Variants in APBA2 observed in about 807,000 individuals in gnomAD.
The protein encoded by APBA2 is amyloid beta precursor protein binding family A member 2.
In APBA2, 30 loss-of-function variants were observed where a neutral mutation model predicts 75.0. That is an observed-to-expected ratio of 0.40 (90% CI 0.30 to 0.54). The LOEUF is 0.54. Ranked by LOEUF, APBA2 falls within the 20% of genes least tolerant of loss-of-function variation. APBA2 has a pLI of 0.49. For missense variants in APBA2, 801 were observed against 1,016.1 expected, an observed-to-expected ratio of 0.79 and a Z score of 2.88; for synonymous variants, 444 against 409.6, an observed-to-expected ratio of 1.08 and a Z score of -1.01.
intron 4 of APBA2, among the ~76,000 whole-genome samples, chr15:29,062,451 G>A (rs1379581502): frequency 1.3e-5 from 2 of 152,116 alleles, no homozygotes; most frequent in Non-Finnish European, 2.9e-5. Flanking sequence ...GGCTGGCTCC[G>A]CATGAGCTTC....
In APBA2 at chr15:29,053,994, C is replaced by T. The variant is rs746831479; in HGVS notation, c.110C>T (p.Pro37Leu). Residue 37 changes from proline to leucine, a missense_variant, in exon 4 of 15, where the codon CCC becomes CTC. Pro to Leu is a moderately conservative substitution (Grantham distance 98). Transcript: ENST00000683413. ...QEPESEDMEL[P>L]LEGYVPEGLE... ...CCCGAGAGCGAGGACATGGAGCTGC[C>T]CTTGGAGGGCTATGTGCCCGAGGGC... 1 of 1,613,974 alleles carries T rather than the reference C, an allele frequency of 6.2e-7. No individual in the cohort carries two copies. The highest frequency in any genetic ancestry group is 1.1e-5 in the South Asian group (1 of 91,058).
intron 1 of APBA2, among the ~76,000 whole-genome samples, chr15:28,894,306 G>T (rs2032326744): frequency 6.6e-6 from 1 of 152,196 alleles, no homozygotes; most frequent in Admixed American, 6.5e-5. Flanking sequence ...CTGTATTCCA[G>T]CTTTCTTGTT....
chr15:28,892,230 A>C (rs1343503257), intron 1 of APBA2, among the ~76,000 whole-genome samples: 1 of 152,134 alleles, frequency 6.6e-6, no homozygotes, highest in East Asian at 1.9e-4. Flanking sequence ...ACCTGCCACC[A>C]CGCCTGGTTA....
At chr15:28,925,968 G>T (rs1471249552) in intron 2 of APBA2, among the ~76,000 whole-genome samples, 1 of 152,124 alleles carries the variant, frequency 6.6e-6, no homozygotes, top group African/African-American at 2.4e-5. Flanking sequence ...TTGGTAGTCT[G>T]CTTTGTCTGA....
intron 3 of APBA2, among the ~76,000 whole-genome samples, chr15:29,001,459 C>T (rs964170622): frequency 2.0e-5 from 3 of 152,210 alleles, no homozygotes; most frequent in Non-Finnish European, 2.9e-5. Flanking sequence ...GGTCCTCCCA[C>T]GTGGGCCTCC....
chr15:29,103,080 T>C (rs1430546559), intron 10 of APBA2, among the ~76,000 whole-genome samples: 1 of 152,178 alleles, frequency 6.6e-6, no homozygotes, highest in Admixed American at 6.5e-5. Context: ...GGTATTTCTG[T>C]GTGACTGAGG....
At chr15:28,900,265 G>A (rs1156467999) in intron 1 of APBA2, among the ~76,000 whole-genome samples, 1 of 152,190 alleles carries the variant, frequency 6.6e-6, no homozygotes, top group African/African-American at 2.4e-5. Flanking sequence ...GGGAATGGGT[G>A]ACAGGTGCTG....
At chr15:28,965,567 C>T (rs2036696428) in intron 2 of APBA2, among the ~76,000 whole-genome samples, 2 of 152,188 alleles carry the variant, frequency 1.3e-5, no homozygotes. Flanking sequence ...TAGGCAGAAT[C>T]GACCTTTTAA....
intron 10 of APBA2, chr15:29,102,031 G>A (rs1179273322): frequency 5.1e-6 from 3 of 583,616 alleles, no homozygotes; most frequent in Non-Finnish European, 6.1e-6. Flanking sequence ...AAATATATGA[G>A]GGAGCTATTT....
Position 29,054,556 on chromosome 15 carries a change from G to A in APBA2, c.672G>A (p.Glu224=), listed in dbSNP as rs1251696754. 3.7e-6 allele frequency: 6 copies of A among 1,613,648 alleles called. No homozygotes were observed. Among genetic ancestry groups the A allele is most frequent in the South Asian group, 2.2e-5 (2 of 90,996 alleles). Residue 224 remains glutamate, a synonymous_variant, in exon 4 of 15, where the codon GAG becomes GAA. Transcript: ENST00000683413. This position sits in a 1 kb window ranked among gnomAD's most constrained non-coding sequence, Gnocchi z 6.1. ...RGDGDLEDQE[E]DIDQIVAEIK... ...ATGGGGACCTGGAGGACCAGGAGGA[G>A]GACATTGACCAGATCGTGGCAGAGA...
chr15:29,107,279 C>G (rs572833506), intron 12 of APBA2, among the ~76,000 whole-genome samples: 2 of 152,162 alleles, frequency 1.3e-5, no homozygotes, highest in Non-Finnish European at 1.5e-5. Flanking sequence ...CCACCCTGAC[C>G]GTCAGACTCG....
At chr15:28,963,675 G>A (rs2036589933) in intron 2 of APBA2, among the ~76,000 whole-genome samples, 1 of 152,156 alleles carries the variant, frequency 6.6e-6, no homozygotes, top group African/African-American at 2.4e-5. Context: ...GGAATTTGGG[G>A]GGAGTTGATA....
At chr15:29,100,055 A>G (rs1395692042) in intron 9 of APBA2, among the ~76,000 whole-genome samples, 1 of 152,178 alleles carries the variant, frequency 6.6e-6, no homozygotes, top group African/African-American at 2.4e-5. Context: ...GAGAGGAGGG[A>G]ACAGGTGAGA....
intron 2 of APBA2, among the ~76,000 whole-genome samples, chr15:28,928,368 C>G (rs998092124): frequency 6.6e-6 from 1 of 152,060 alleles, no homozygotes. Flanking sequence ...TCCTCTGGCT[C>G]TGGGCTTCCC....
At chr15:29,079,066 C>T (rs1321080190) in intron 6 of APBA2, among the ~76,000 whole-genome samples, 2 of 152,170 alleles carry the variant, frequency 1.3e-5, no homozygotes, top group Admixed American at 1.3e-4. Flanking sequence ...GCATCCAGGG[C>T]TTTGAGCTTC....
intron 3 of APBA2, among the ~76,000 whole-genome samples, chr15:29,021,709 T>A (rs1168291019): frequency 6.6e-6 from 1 of 152,186 alleles, no homozygotes; most frequent in Non-Finnish European, 1.5e-5. Context: ...TACAGTGTTG[T>A]TAGCTGTAGG....
At chr15:29,094,157 G>C in intron 7 of APBA2, 121 bp from the exon 8 acceptor site, 1 of 1,049,770 alleles carries the variant, frequency 9.5e-7, no homozygotes, top group Non-Finnish European at 1.5e-6. Context: ...ACCCGTCCCT[G>C]CTGGGCTTTG....
chr15:28,945,353 C>T (rs1316242583), intron 2 of APBA2, among the ~76,000 whole-genome samples: 2 of 152,022 alleles, frequency 1.3e-5, no homozygotes, highest in Non-Finnish European at 1.5e-5. Context: ...CTGTCCAAGG[C>T]GCAGGAAATA....
chr15:28,929,353 A>T (rs763142529), intron 2 of APBA2, among the ~76,000 whole-genome samples: 6 of 152,262 alleles, frequency 3.9e-5, no homozygotes, highest in Non-Finnish European at 7.4e-5. Flanking sequence ...GTGGCTGCTA[A>T]TCCGTAGGAT....
Sources: allele counts gnomAD v4.1 joint callset (sites outside exome capture counted in the v4.1 genomes callset), GRCh38; gene constraint gnomAD v4.1.1; non-coding constraint Gnocchi (gnomAD v3.1); transcripts MANE v1.5; gene names NCBI Gene and HGNC (gene_info 2026-07-23, HGNC 2026-07-21).